The following FAHD1 variants were observed in gnomAD, a reference collection of about 807,000 sequenced individuals.
FAHD1 encodes oxaloacetate tautomerase FAHD1, mitochondrial.
Under a neutral mutation model 12.7 loss-of-function variants are expected in FAHD1, and 14 were observed. That is an observed-to-expected ratio of 1.10 (90% CI 0.73 to 1.72). The LOEUF (loss-of-function observed/expected upper bound fraction) is 1.72, where lower values mean the gene tolerates loss of function less well. FAHD1 is among the 40% of genes most tolerant of loss of function. The pLI is 0.00. For synonymous variants in FAHD1, 153 were observed against 124.9 expected (o/e 1.22, Z -1.50); for missense variants, 351 against 298.9 (o/e 1.17, Z -1.29).
intron 2 of FAHD1, chr16:1,839,168 A>C: frequency 7.1e-7 from 1 of 1,414,342 alleles, no homozygotes; most frequent in South Asian, 1.6e-5. Flanking sequence ...ATTTCTATCA[A>C]ATGTTTGACA....
At chr16:1,828,829 G>A (rs1000004031) in exon 1 of FAHD1, 4 of 998,574 alleles carry the variant, frequency 4.0e-6, no homozygotes, top group African/African-American at 1.7e-5. Context: ...TTTACTTAGG[G>A]TATCTACCCA....
downstream of FAHD1, chr16:1,833,875 A>T (rs1386300690): frequency 6.2e-6 from 1 of 160,508 alleles, no homozygotes; most frequent in Non-Finnish European, 1.4e-5. Context: ...TTTCCAGGGA[A>T]CCAAGACAAA....
chr16:1,827,615 G>A (rs1344924078), exon 1 of FAHD1: 1 of 1,613,926 alleles, frequency 6.2e-7, no homozygotes, highest in Non-Finnish European at 8.5e-7. Flanking sequence ...ACGGCGTCCT[G>A]CCCGGTCAGC....
chr16:1,839,275 C>T, exon 3 of FAHD1: 1 of 1,611,848 alleles, frequency 6.2e-7, no homozygotes. Context: ...AAAGTCTCCT[C>T]AGCAACACTT....
exon 3 of FAHD1, chr16:1,839,505 A>G: frequency 7.1e-7 from 1 of 1,417,938 alleles, no homozygotes; most frequent in South Asian, 1.4e-5. Context: ...TGTAGCAGAA[A>G]AAGAATTGTC....
exon 2 of FAHD1, chr16:1,838,019 C>A: frequency 7.1e-7 from 1 of 1,402,866 alleles, no homozygotes; most frequent in Non-Finnish European, 9.5e-7. Flanking sequence ...TTTGTAGAGA[C>A]AGGGTCTCAC....
At chr16:1,839,606 C>T (rs1245374253) in exon 3 of FAHD1, 2 of 586,244 alleles carry the variant, frequency 3.4e-6, no homozygotes, top group Non-Finnish European at 5.7e-6. Context: ...GTAAAACACA[C>T]TTTCTACGCA....
downstream of FAHD1, among the ~76,000 whole-genome samples, chr16:1,829,601 G>C (rs1408760802): frequency 6.6e-6 from 1 of 152,148 alleles, no homozygotes; most frequent in Non-Finnish European, 1.5e-5. Context: ...ATAGTATGAG[G>C]AAGTGCCATA....
downstream of FAHD1, among the ~76,000 whole-genome samples, chr16:1,831,444 G>A (rs765711672): frequency 1.3e-5 from 2 of 152,186 alleles, no homozygotes; most frequent in Non-Finnish European, 2.9e-5. Context: ...AAGCTCTGGA[G>A]CGAGGAGTCT....
chr16:1,827,439 C>G (rs201234911), exon 1 of FAHD1: 1 of 1,610,256 alleles, frequency 6.2e-7, no homozygotes, highest in Non-Finnish European at 8.5e-7. Context: ...ACCTGCACCA[C>G]GAGCTGGAGC....
exon 3 of FAHD1, chr16:1,839,701 A>C: frequency 2.6e-6 from 1 of 378,600 alleles, no homozygotes; most frequent in Non-Finnish European, 4.8e-6. Flanking sequence ...CTCGAGGTCC[A>C]TCCCAGTCTC....
chr16:1,838,938 C>T (rs1161746399), intron 2 of FAHD1, among the ~76,000 whole-genome samples: 1 of 152,178 alleles, frequency 6.6e-6, no homozygotes, highest in Non-Finnish European at 1.5e-5. Flanking sequence ...GTGATCCGCC[C>T]TCCTTGGCCT....
At chr16:1,837,115 G>T (rs145589789) in intron 1 of FAHD1, among the ~76,000 whole-genome samples, 3 of 151,990 alleles carry the variant, frequency 2.0e-5, no homozygotes, top group East Asian at 1.9e-4. Flanking sequence ...ACAAAGACTC[G>T]AGGATCCTCC....
chr16:1,832,364 G>A (rs1898637654), downstream of FAHD1, among the ~76,000 whole-genome samples: 1 of 150,388 alleles, frequency 6.6e-6, no homozygotes. Context: ...GTAGAGACAG[G>A]GCTTCACCGT....
chr16:1,839,185 C>G (rs1898830963), intron 2 of FAHD1: 1 of 1,449,240 alleles, frequency 6.9e-7, no homozygotes, highest in Non-Finnish European at 9.1e-7. Flanking sequence ...GACAAAACAA[C>G]CTATATTTTT....
chr16:1,839,227 T>C, intron 2 of FAHD1: 1 of 1,544,300 alleles, frequency 6.5e-7, no homozygotes, highest in Non-Finnish European at 8.7e-7. Flanking sequence ...GGAAATATTC[T>C]AAACATTTCT....
At chr16:1,830,781 T>C (rs368786463), downstream of FAHD1, among the ~76,000 whole-genome samples, 2 of 152,166 alleles carry the variant, frequency 1.3e-5, no homozygotes, top group Non-Finnish European at 2.9e-5. Flanking sequence ...TAAAAACCAA[T>C]ACAATGAACT....
intron 2 of FAHD1, chr16:1,838,198 C>T: frequency 2.2e-6 from 1 of 461,982 alleles, no homozygotes; most frequent in Non-Finnish European, 3.8e-6. Flanking sequence ...CAGGGTCTCA[C>T]TATGTTGCCC....
At chr16:1,834,165 G>T in intron 1 of FAHD1, 1 of 709,088 alleles carries the variant, frequency 1.4e-6, no homozygotes, top group Non-Finnish European at 2.4e-6. Flanking sequence ...TAAACAAAAT[G>T]CAATTTTCCC....
Sources: allele counts gnomAD v4.1 joint callset (sites outside exome capture counted in the v4.1 genomes callset), GRCh38; gene constraint gnomAD v4.1.1; transcripts MANE v1.5; gene names NCBI Gene and HGNC (gene_info 2026-07-23, HGNC 2026-07-21).